Variants in ZNF814 observed in about 807,000 individuals in gnomAD.
ZNF814 encodes the protein zinc finger protein 814.
In ZNF814, 5 loss-of-function variants were observed where a neutral mutation model predicts 7.5. The observed-to-expected ratio is 0.67, with a 90% confidence interval of 0.35 to 1.40. The LOEUF is 1.40. Among genes scored for constraint, ZNF814 ranks in the 40% most tolerant of loss-of-function variants. The pLI, the probability that ZNF814 is intolerant of heterozygous loss-of-function variation, is 0.04. For missense variants in ZNF814, 962 were observed against 1,018.0 expected, an observed-to-expected ratio of 0.94 and a Z score of 0.75; for synonymous variants, 315 against 340.7, an observed-to-expected ratio of 0.92 and a Z score of 0.83.
At chr19:57,891,962 CAGGCTGGTTTCAAGCTCCCAACCT>C, upstream of ZNF814, among the ~76,000 whole-genome samples, 1 of 152,172 alleles carries the variant, frequency 6.6e-6, no homozygotes, top group Admixed American at 6.5e-5. Context: ...CTATGTTGGC[CAGGCTGGTTTCAAGCTCCCAACCT>C]TGTGATCTGC....
chr19:57,898,235 C>T, the ZNF814 span, among the ~76,000 whole-genome samples: 2 of 152,234 alleles, frequency 1.3e-5, no homozygotes, highest in African/African-American at 4.8e-5. Flanking sequence ...GACGATTCAA[C>T]CTATTATTAC....
At chr19:57,876,886 C>T in intron 2 of ZNF814, 30 bp downstream of exon 2, 2 of 1,613,038 alleles carry the variant, frequency 1.2e-6, no homozygotes, top group South Asian at 1.1e-5. Flanking sequence ...GAGACTAGCT[C>T]AGGTCACAGG....
intron 1 of ZNF814, among the ~76,000 whole-genome samples, chr19:57,877,502 G>T (rs1476707813): frequency 6.6e-6 from 1 of 152,050 alleles, no homozygotes; most frequent in Non-Finnish European, 1.5e-5. Flanking sequence ...GAATGTAGTG[G>T]CATGATCTCG....
At chr19:57,880,625 A>AAG in intron 1 of ZNF814, among the ~76,000 whole-genome samples, 1 of 86,002 alleles carries the variant, frequency 1.2e-5, no homozygotes, top group South Asian at 2.8e-4. Context: ...TTTTTTTTTT[A>AAG]AGAGAGAGTC....
At chr19:57,897,333 A>G in the ZNF814 span, among the ~76,000 whole-genome samples, 1 of 152,230 alleles carries the variant, frequency 6.6e-6, no homozygotes, top group South Asian at 2.1e-4. Context: ...TAAAGGTGGG[A>G]AAAATACGCC....
Position 57,873,962 on chromosome 19 carries a change from C to A in ZNF814, c.1428G>T (p.Lys476Asn). ...CGECVKSFSHKRSLVHHQRVH... is the reference protein window; with the variant it reads ...CGECVKSFSHNRSLVHHQRVH... ...CTCGCTGATGGTGAACAAGGCTGCG[C>A]TTATGACTGAAAGATTTCACACATT... Residue 476 changes from lysine to asparagine, a missense_variant, in exon 3 of 3, where the codon AAG becomes AAT. By Grantham distance (94) the Lys-to-Asn change is moderately conservative. Transcript: ENST00000435989. 2.5e-6 allele frequency: 4 copies of A among 1,613,878 alleles called. No individual in the cohort carries two copies. Among genetic ancestry groups the A allele is most frequent in the Non-Finnish European group, 3.4e-6 (4 of 1,179,978 alleles).
chr19:57,879,450 G>A (rs528779995), intron 1 of ZNF814, among the ~76,000 whole-genome samples: 2 of 147,728 alleles, frequency 1.4e-5, no homozygotes, highest in Non-Finnish European at 3.0e-5. Flanking sequence ...GCATAACACA[G>A]GTTATGAATG....
chr19:57,900,267 T>C, the ZNF814 span: 1 of 152,248 alleles, frequency 6.6e-6, no homozygotes, highest in Non-Finnish European at 1.5e-5. Flanking sequence ...ATTCAGCTTA[T>C]GTGGTGCAAA....
At position 57,877,047 on chromosome 19, in the gene ZNF814, T is replaced by TA; in HGVS notation, c.37-6dup. On this transcript the variant is annotated splice_region_variant and splice_polypyrimidine_tract_variant and intron_variant, in intron 1 of 2. Transcript: ENST00000435989. ...ATCTTCAAAAGTCACTGTGCCCTGT[T>TA]ATGATGTTGACAGATGAAACTACAA... The TA allele has an allele frequency of 6.2e-7, 1 of 1,613,964 alleles. No individual in the cohort carries two copies. The highest frequency in any genetic ancestry group is 1.1e-5 in the South Asian group (1 of 91,076).
Position 57,874,924 on chromosome 19 carries a change from A to G in ZNF814, c.466T>C (p.Leu156=). ...KPYRGSVEEA[L]FAKRCKLHVS... ...TGCAACTTACACCTCTTTGCAAACA[A>G]CGCCTCCTCAACACTCCCTCTGTAG... Residue 156 remains leucine (L), a synonymous_variant, in exon 3 of 3, where the codon TTG becomes CTG. Coordinates refer to ENST00000435989, the MANE Select transcript of ZNF814 (RefSeq NM_001144989.2). The G allele has an allele frequency of 1.2e-6, 2 of 1,613,046 alleles. No homozygotes were observed. Among genetic ancestry groups the G allele is most frequent in the Non-Finnish European group, 1.7e-6 (2 of 1,179,102 alleles).
At chr19:57,877,718 G>T (rs959173183) in intron 1 of ZNF814, among the ~76,000 whole-genome samples, 1 of 152,146 alleles carries the variant, frequency 6.6e-6, no homozygotes, top group African/African-American at 2.4e-5. Context: ...TAAAACTACA[G>T]GCATGAGGCA....
the ZNF814 span, among the ~76,000 whole-genome samples, chr19:57,894,626 C>T: frequency 2.0e-5 from 3 of 150,752 alleles, no homozygotes; most frequent in Non-Finnish European, 4.4e-5. Flanking sequence ...TCAGGAGATC[C>T]AGACCATCCT....
In ZNF814 at chr19:57,870,609, A is replaced by C. The variant is rs1211022668; in HGVS notation, c.*2213T>G. The C allele has an allele frequency of 1.3e-5, 2 of 152,218 alleles. No homozygotes were observed. The highest frequency in any genetic ancestry group is 6.5e-5 in the Admixed American group (1 of 15,282). 9.4% of individuals were successfully genotyped at this position (152,218 alleles called of 1,614,324 possible). A position where few individuals can be genotyped will look rare whatever the true frequency, so the allele number is the denominator to read the frequency against. On this transcript the variant is annotated 3_prime_UTR_variant, in exon 3 of 3. Transcript: ENST00000435989. ...TGGCCTCAACAATACAATATTCATC[A>C]TTATGGAAGTCCTGATAATTCCTGT...
chr19:57,902,013 C>T, the ZNF814 span, among the ~76,000 whole-genome samples: 1 of 152,228 alleles, frequency 6.6e-6, no homozygotes, highest in East Asian at 1.9e-4. Context: ...TCCAATATGC[C>T]TAGGACCTGC....
chr19:57,876,106 G>C (rs1352345958), intron 2 of ZNF814, among the ~76,000 whole-genome samples: 2 of 151,808 alleles, frequency 1.3e-5, no homozygotes, highest in Admixed American at 6.6e-5. Context: ...TTACAGGCAT[G>C]TACCACCAGG....
chr19:57,886,943 G>A (rs2071698524), intron 1 of ZNF814, among the ~76,000 whole-genome samples: 1 of 151,862 alleles, frequency 6.6e-6, no homozygotes, highest in South Asian at 2.1e-4. Context: ...ATCCTAGCAA[G>A]TTGGGAGGCT....
Position 57,872,672 on chromosome 19 carries a change from G to C in ZNF814, c.*150C>G, listed in dbSNP as rs2071565432. The C allele has an allele frequency of 6.4e-7, 1 of 1,572,410 alleles. No individual in the cohort carries two copies. Among genetic ancestry groups the C allele is most frequent in the Non-Finnish European group, 8.7e-7 (1 of 1,152,874 alleles). On this transcript the variant is annotated 3_prime_UTR_variant, in exon 3 of 3. Transcript: ENST00000435989. ...CTGCACTCATAAGGTGGTGTGACCAGTGTGAACTCTCTTATGAACACAGAA... is the reference window on the plus strand; with the variant it reads ...CTGCACTCATAAGGTGGTGTGACCACTGTGAACTCTCTTATGAACACAGAA...
upstream of ZNF814, among the ~76,000 whole-genome samples, chr19:57,892,669 T>C (rs550274844): frequency 6.6e-5 from 10 of 152,318 alleles, no homozygotes; most frequent in Non-Finnish European, 5.9e-5. Context: ...ACTTGCGAGC[T>C]GATGGGACTG....
At chr19:57,897,578 A>G in the ZNF814 span, among the ~76,000 whole-genome samples, 46 of 152,296 alleles carry the variant, frequency 3.0e-4, 1 homozygote, top group Non-Finnish European at 5.4e-4. Context: ...CCCTCAACAA[A>G]CCAAGGCATA....
Sources: gnomAD v4.1 joint callset for allele counts (sites outside exome capture counted in the v4.1 genomes callset) on GRCh38, gnomAD v4.1.1 for gene constraint, MANE v1.5 for transcripts, NCBI Gene and HGNC (gene_info 2026-07-23, HGNC 2026-07-21) for gene names.